The following SLC4A3 variants were observed in gnomAD, a reference collection of about 807,000 sequenced individuals.
SLC4A3 encodes solute carrier family 4 member 3.
In SLC4A3, 47 loss-of-function variants were observed where a neutral mutation model predicts 114.2. That is an observed-to-expected ratio of 0.41 (90% CI 0.33 to 0.52). The LOEUF is 0.52. Ranked by LOEUF, SLC4A3 falls within the 20% of genes least tolerant of loss-of-function variation. SLC4A3 has a pLI of 0.21. For missense variants in SLC4A3, 1,312 were observed against 1,668.3 expected, an observed-to-expected ratio of 0.79 and a Z score of 3.72; for synonymous variants, 693 against 710.3, an observed-to-expected ratio of 0.98 and a Z score of 0.39.
chr2:219,632,829 TG>T, intron 8 of SLC4A3, 44 bp from the exon 9 acceptor site: 1 of 1,606,480 alleles, frequency 6.2e-7, no homozygotes, highest in Non-Finnish European at 8.5e-7. Context: ...AGATTTTTCC[TG>T]TCTGATGGGA....
In SLC4A3 at chr2:219,630,718, A is replaced by G. The variant is rs1242927052; in HGVS notation, c.811+366A>G. Among the ~76,000 whole-genome samples, 1 of 151,776 alleles carries G rather than the reference A, an allele frequency of 6.6e-6. No homozygotes were observed. The highest frequency in any genetic ancestry group is 1.5e-5 in the Non-Finnish European group (1 of 67,934). ...CCAAACCAGGCCCTGAGTCTGAGCC[A>G]TTGCTCCGGACCCCTGCCTCTCCCT... is the stretch of plus-strand genomic sequence containing the variant. On this transcript the variant is annotated intron_variant, in intron 6 of 22. Coordinates refer to ENST00000358055, the MANE Select transcript of SLC4A3 (RefSeq NM_005070.4). This position sits in a 1 kb window ranked among gnomAD's most constrained non-coding sequence, Gnocchi z 6.9.
rs41272707 is a variant in SLC4A3 at position 219,632,318 on chromosome 2, G to A, written c.1017G>A (p.Arg339=). ...ACCGCAGCCAGGAGCCCCACTGGCG[G>A]GAGACGGCCCGCTGGATCAAGTTTG... is the stretch of plus-strand genomic sequence containing the variant. ...MLDRSQEPHW[R]ETARWIKFEE... The change falls in exon 8 of 23, where the codon CGG becomes CGA. Residue 339 remains arginine, a synonymous_variant. Coordinates refer to ENST00000358055, the MANE Select transcript of SLC4A3 (RefSeq NM_005070.4). 26,517 of 1,614,124 alleles carry A rather than the reference G, an allele frequency of 0.016. 273 individuals carry two copies. The highest frequency in any genetic ancestry group is 0.019 in the Non-Finnish European group (22,537 of 1,180,016).
At position 219,628,070 on chromosome 2, in the gene SLC4A3, A is replaced by C; in HGVS notation, c.51+27A>C. The C allele has an allele frequency of 1.3e-6, 2 of 1,516,522 alleles. No individual in the cohort carries two copies. The highest frequency in any genetic ancestry group is 1.8e-6 in the Non-Finnish European group (2 of 1,129,554). 93.9% of individuals were successfully genotyped at this position (1,516,522 alleles called of 1,614,324 possible). ...TGATCGGCGCGCGCGGGGGCGGGGG[A>C]GAGATGGGGGAGGAGAGGGGAGGGA... is the stretch of plus-strand genomic sequence containing the variant. On this transcript the variant is annotated intron_variant, in intron 2 of 22. Transcript: ENST00000358055. The surrounding 1 kb of genome is among the most constrained non-coding windows in gnomAD (Gnocchi z 4.8).
In SLC4A3 at chr2:219,641,381, A is replaced by G. The variant is rs1699321438; in HGVS notation, c.3622-270A>G. Among the ~76,000 whole-genome samples the G allele has an allele frequency of 1.3e-5, 2 of 152,198 alleles. No homozygotes were observed. The highest frequency in any genetic ancestry group is 4.8e-5 in the African/African-American group (2 of 41,432). ...TATCCATACTCAAACATGGTGTACA[A>G]AGGTACCATAGCAACTAGAAGTGGC... On this transcript the variant is annotated intron_variant, in intron 22 of 22. Transcript: ENST00000358055. The surrounding 1 kb of genome is among the most constrained non-coding windows in gnomAD (Gnocchi z 4.0).
chr2:219,630,439 C>A lies in SLC4A3; in HGVS notation c.811+87C>A. 2.2e-6 allele frequency: 3 copies of A among 1,370,084 alleles called. No individual in the cohort carries two copies. Among genetic ancestry groups the A allele is most frequent in the East Asian group, 4.7e-5 (2 of 42,728 alleles). 84.9% of individuals were successfully genotyped at this position (1,370,084 alleles called of 1,614,324 possible). A position where few individuals can be genotyped will look rare whatever the true frequency, so the allele number is the denominator to read the frequency against. On this transcript the variant is annotated intron_variant, in intron 6 of 22. Coordinates refer to ENST00000358055, the MANE Select transcript of SLC4A3 (RefSeq NM_005070.4). The surrounding 1 kb of genome is among the most constrained non-coding windows in gnomAD (Gnocchi z 6.9). ...ACCTTGGAGAGGCTCTGAGCTGTCC[C>A]CTGCTAAGGGCTGAGTCCTCTCTGA...
rs142339044 is a variant in SLC4A3, at chr2:219,636,703, G to C, written c.2364G>C (p.Glu788Asp). 5.3e-5 allele frequency: 85 copies of C among 1,613,844 alleles called. No individual in the cohort carries two copies. Among genetic ancestry groups the C allele is most frequent in the Non-Finnish European group, 6.9e-5 (82 of 1,179,922 alleles). Residue 788 changes from glutamate (E) to aspartate (D), a missense_variant, in exon 16 of 23, where the codon GAG (glutamate) becomes GAC (aspartate). Around this residue, in one of 4 missense-constraint regions of SLC4A3, gnomAD observed 771 missense variants for 977.7 expected, o/e 0.79. Transcript: ENST00000358055. This position sits in a 1 kb window ranked among gnomAD's most constrained non-coding sequence, Gnocchi z 5.5. ...FFKFCRAQDL[E>D]YLTGRVWVGL... ...AGTTCTGCCGAGCCCAGGACCTGGA[G>C]TACCTCACTGGCCGGGTGTGGGTTG...
At chr2:219,633,129 C>T in intron 9 of SLC4A3, 120 bp downstream of exon 9, 1 of 1,413,912 alleles carries the variant, frequency 7.1e-7, no homozygotes, top group Non-Finnish European at 9.7e-7. Context: ...GAGCTCATTT[C>T]TATCTTTTGA....
In SLC4A3 at chr2:219,638,383, T is replaced by TG. The variant is rs1384254597; in HGVS notation, c.2856+135dup. The TG allele has an allele frequency of 1.3e-6, 1 of 767,158 alleles. No homozygotes were observed. The highest frequency in any genetic ancestry group is 2.2e-6 in the Non-Finnish European group (1 of 462,740). 47.5% of individuals were successfully genotyped at this position (767,158 alleles called of 1,614,324 possible). On this transcript the variant is annotated intron_variant, in intron 18 of 22. Transcript: ENST00000358055. The surrounding 1 kb of genome is among the most constrained non-coding windows in gnomAD (Gnocchi z 7.5). ...AACTTTCCCAGTGGAGTGGCCGCCC[T>TG]GGGGGCTGAGGGCCTTCCCCAGGGA...
intron 11 of SLC4A3, 25 bp from the exon 12 acceptor site, chr2:219,634,395 G>A (rs377090242): frequency 5.6e-6 from 9 of 1,611,982 alleles, no homozygotes; most frequent in Admixed American, 1.7e-5. Context: ...TTTGCCCAGC[G>A]CCCTGTGCTT....
rs968350683 is a variant in SLC4A3 at position 219,637,435 on chromosome 2, G to A, written c.2536-146G>A. Reference sequence around the variant, plus strand: ...GTGTTCTGTGTGTTCTGTGTGTTGTGTGTGTGGTGCAGCTGGATGTCCGTG... The same window carrying A: ...GTGTTCTGTGTGTTCTGTGTGTTGTATGTGTGGTGCAGCTGGATGTCCGTG... On this transcript the variant is annotated intron_variant, in intron 16 of 22. Transcript: ENST00000358055. The surrounding 1 kb of genome is among the most constrained non-coding windows in gnomAD (Gnocchi z 4.6). 1.3e-5 allele frequency: 8 copies of A among 595,558 alleles called. No homozygotes were observed. Among genetic ancestry groups the A allele is most frequent in the African/African-American group, 9.3e-5 (5 of 53,646 alleles). 36.9% of individuals were successfully genotyped at this position (595,558 alleles called of 1,614,324 possible). A position where few individuals can be genotyped will look rare whatever the true frequency, so the allele number is the denominator to read the frequency against.
In SLC4A3 at chr2:219,636,629, A is replaced by C; in HGVS notation, c.2341-51A>C. On this transcript the variant is annotated intron_variant, in intron 15 of 22. Coordinates refer to ENST00000358055, the MANE Select transcript of SLC4A3 (RefSeq NM_005070.4). This position sits in a 1 kb window ranked among gnomAD's most constrained non-coding sequence, Gnocchi z 5.5. Reference sequence around the variant, plus strand: ...CCGCTGCCTATTCCAGGGGGCATTGACACCCAGGGCAGTCCACCTGTGGGT... The same window carrying C: ...CCGCTGCCTATTCCAGGGGGCATTGCCACCCAGGGCAGTCCACCTGTGGGT... 1 of 1,537,656 alleles carries C rather than the reference A, an allele frequency of 6.5e-7. No homozygotes were observed. Among genetic ancestry groups the C allele is most frequent in the Non-Finnish European group, 8.9e-7 (1 of 1,129,698 alleles).
intron 11 of SLC4A3, 26 bp from the exon 12 acceptor site, chr2:219,634,394 C>A (rs573883552): frequency 6.2e-7 from 1 of 1,610,480 alleles, no homozygotes; most frequent in African/African-American, 1.3e-5. Flanking sequence ...CTTTGCCCAG[C>A]GCCCTGTGCT....
chr2:219,632,085 A>G lies in SLC4A3; in HGVS notation c.929A>G (p.Lys310Arg), dbSNP rs774779413. The change falls in exon 7 of 23, where the codon AAG becomes AGG. Residue 310 changes from lysine (K) to arginine (R), a missense_variant. This residue lies in a region of SLC4A3 where 771 missense variants were observed against 977.7 expected (regional missense o/e 0.79). Transcript: ENST00000358055. ...GCCCCCATCCTTCGCAGGAAGAAGA[A>G]GAAGAAAAAGCTGGACCGGAGGCCT... ...GLAPILRRKK[K>R]KKKLDRRPHE... The G allele has an allele frequency of 9.3e-6, 15 of 1,613,652 alleles. No homozygotes were observed. In the East Asian group the frequency reaches 3.1e-4, roughly 34 times the overall value.
chr2:219,629,612 A>C lies in SLC4A3; in HGVS notation c.528A>C (p.Pro176=). Reference sequence around the variant, plus strand: ...TTGGAAGTGACGAGGATGACAGTCCAGGCCTCCCTGGGAGGGCTGCTGTCA... The same window carrying C: ...TTGGAAGTGACGAGGATGACAGTCCCGGCCTCCCTGGGAGGGCTGCTGTCA... ...FSIGSDEDDS[P]GLPGRAAVTK... The change falls in exon 5 of 23, where the codon CCA becomes CCC. Residue 176 remains proline, a synonymous_variant. Transcript: ENST00000358055. 1 of 1,612,998 alleles carries C rather than the reference A, an allele frequency of 6.2e-7. No individual in the cohort carries two copies. Among genetic ancestry groups the C allele is most frequent in the South Asian group, 1.1e-5 (1 of 91,066 alleles).
Position 219,638,700 on chromosome 2 carries a change from C to T in SLC4A3, c.2857-3C>T, listed in dbSNP as rs1212676405. Reference sequence around the variant, plus strand: ...CCCTGAACCCTGTTTTCCTGCCATGCAGAAGCTGACAGTGCCTACAGGGCT... The same window carrying T: ...CCCTGAACCCTGTTTTCCTGCCATGTAGAAGCTGACAGTGCCTACAGGGCT... On this transcript the variant is annotated splice_region_variant and splice_polypyrimidine_tract_variant and intron_variant, in intron 18 of 22. Transcript: ENST00000358055. This position sits in a 1 kb window ranked among gnomAD's most constrained non-coding sequence, Gnocchi z 7.5. 6.2e-7 allele frequency: 1 copy of T among 1,613,614 alleles called. No individual in the cohort carries two copies. Among genetic ancestry groups the T allele is most frequent in the Non-Finnish European group, 8.5e-7 (1 of 1,179,832 alleles).
rs1259405644 is a variant in SLC4A3, at chr2:219,632,970, A to C, written c.1238A>C (p.Asp413Ala). The C allele has an allele frequency of 6.2e-7, 1 of 1,614,012 alleles. No homozygotes were observed. The highest frequency in any genetic ancestry group is 8.5e-7 in the Non-Finnish European group (1 of 1,180,018). ...MIVSDQIRPEDRASVLRTLLL... is the reference protein window; with the variant it reads ...MIVSDQIRPEARASVLRTLLL... ...GTGTCTGACCAGATCCGGCCGGAGG[A>C]CAGGGCCAGCGTCCTACGTACCCTG... Residue 413 changes from aspartate to alanine, a missense_variant, in exon 9 of 23, where the codon GAC becomes GCC. Asp to Ala is a moderately radical substitution (Grantham distance 126). Coordinates refer to ENST00000358055, the MANE Select transcript of SLC4A3 (RefSeq NM_005070.4).
At position 219,629,685 on chromosome 2, in the gene SLC4A3, C is replaced by G. The variant is rs1030563076; in HGVS notation, c.601C>G (p.His201Asp). 2 of 1,610,022 alleles carry G rather than the reference C, an allele frequency of 1.2e-6. No individual in the cohort carries two copies. Among genetic ancestry groups the G allele is most frequent in the African/African-American group, 2.7e-5 (2 of 74,832 alleles). Residue 201 changes from histidine (H) to aspartate (D), a missense_variant, in exon 5 of 23, where the codon CAC becomes GAC. Physicochemically the swap from His to Asp is moderately conservative, Grantham distance 81 (BLOSUM62 -1). Around this residue, in one of 4 missense-constraint regions of SLC4A3, gnomAD observed 771 missense variants for 977.7 expected, o/e 0.79. Transcript: ENST00000358055. ...CCCACACACTGACAAGAGCCCCCAG[C>G]ACTCCAGCAGGTACTGGCTGCAGCC... ...VGPHTDKSPQ[H>D]SSSSPSPRAR...
At position 219,641,553 on chromosome 2, in the gene SLC4A3, C is replaced by A; in HGVS notation, c.3622-98C>A. On this transcript the variant is annotated intron_variant, in intron 22 of 22. Coordinates refer to ENST00000358055, the MANE Select transcript of SLC4A3 (RefSeq NM_005070.4). This position sits in a 1 kb window ranked among gnomAD's most constrained non-coding sequence, Gnocchi z 4.0. ...ACTTGCAGAGAGGCCCAGGAAAGGT[C>A]AGGGAGCAGGGAGGGCTGCAGGTTG... 1 of 957,710 alleles carries A rather than the reference C, an allele frequency of 1.0e-6. No individual in the cohort carries two copies. Among genetic ancestry groups the A allele is most frequent in the Non-Finnish European group, 1.7e-6 (1 of 603,116 alleles). The allele number at this position is 957,710 out of a possible 1,614,324, so 59.3% of individuals were successfully genotyped here. A position where few individuals can be genotyped will look rare whatever the true frequency, so the allele number is the denominator to read the frequency against.
Position 219,638,954 on chromosome 2 carries a change from A to G in SLC4A3, c.3023+85A>G, listed in dbSNP as rs898897655. The G allele has an allele frequency of 7.0e-7, 1 of 1,429,360 alleles. No individual in the cohort carries two copies. Among genetic ancestry groups the G allele is most frequent in the Non-Finnish European group, 9.7e-7 (1 of 1,035,910 alleles). 88.5% of individuals were successfully genotyped at this position (1,429,360 alleles called of 1,614,324 possible). Reference sequence around the variant, plus strand: ...TTGGTTTCAGGGTTATAGCAGGGACATCATTATCAGTATCAGGGTGCTGGG... The same window carrying G: ...TTGGTTTCAGGGTTATAGCAGGGACGTCATTATCAGTATCAGGGTGCTGGG... On this transcript the variant is annotated intron_variant, in intron 19 of 22. Coordinates refer to ENST00000358055, the MANE Select transcript of SLC4A3 (RefSeq NM_005070.4). This position sits in a 1 kb window ranked among gnomAD's most constrained non-coding sequence, Gnocchi z 7.5.
Sources: allele counts gnomAD v4.1 joint callset (sites outside exome capture counted in the v4.1 genomes callset), GRCh38; gene constraint gnomAD v4.1.1; regional missense constraint gnomAD v4.1.1; non-coding constraint Gnocchi (gnomAD v3.1); transcripts MANE v1.5; gene names NCBI Gene and HGNC (gene_info 2026-07-23, HGNC 2026-07-21).